VPS13D: variants seen among roughly 807,000 people sequenced by gnomAD.
VPS13D encodes vacuolar protein sorting 13 homolog D.
In VPS13D, 187 loss-of-function variants were observed where a neutral mutation model predicts 461.9. The ratio of observed to expected loss-of-function variants is 0.40; its 90% CI spans 0.36 to 0.46. VPS13D has a LOEUF of 0.46. Ranked by LOEUF, VPS13D falls within the 20% of genes least tolerant of loss-of-function variation. The pLI is 0.60. For synonymous variants in VPS13D, 1,951 were observed against 1,986.3 expected (o/e 0.98, Z 0.47); for missense variants, 4,711 against 5,364.9 (o/e 0.88, Z 3.81).
chr1:12,285,020 G>A (rs1427264815), intron 21 of VPS13D, among the ~76,000 whole-genome samples: 1 of 152,190 alleles, frequency 6.6e-6, no homozygotes, highest in African/African-American at 2.4e-5. Flanking sequence ...CTTTGGTGTT[G>A]AATATGCAGT....
At chr1:12,307,932 C>T (rs1219634295) in intron 26 of VPS13D, among the ~76,000 whole-genome samples, 1 of 151,922 alleles carries the variant, frequency 6.6e-6, no homozygotes, top group African/African-American at 2.4e-5. Flanking sequence ...ATTATGTAGG[C>T]CTAATGGAGG....
intron 50 of VPS13D, among the ~76,000 whole-genome samples, chr1:12,361,405 T>TTA (rs1557732729): frequency 7.0e-6 from 1 of 143,620 alleles, no homozygotes; most frequent in Non-Finnish European, 1.5e-5. Context: ...ATTTATTTAT[T>TTA]TTTTTTTTGA....
intron 35 of VPS13D, among the ~76,000 whole-genome samples, chr1:12,327,357 C>T (rs1297447441): frequency 6.6e-6 from 1 of 152,158 alleles, no homozygotes; most frequent in African/African-American, 2.4e-5. Flanking sequence ...GGGATGGCTT[C>T]CTGGAGGCAT....
intron 55 of VPS13D, among the ~76,000 whole-genome samples, chr1:12,375,531 A>G (rs1415932670): frequency 6.6e-6 from 1 of 152,288 alleles, no homozygotes; most frequent in East Asian, 1.9e-4. Flanking sequence ...AGCACTGAGA[A>G]TATGTTTATT....
intron 65 of VPS13D, among the ~76,000 whole-genome samples, chr1:12,419,817 A>G (rs1051745834): frequency 6.6e-6 from 1 of 152,166 alleles, no homozygotes; most frequent in Non-Finnish European, 1.5e-5. Context: ...TTTGAGAATC[A>G]TTTTACTAGG....
Position 12,505,008 on chromosome 1 carries a change from C to A in VPS13D, c.12795-1845C>A, listed in dbSNP as rs1646086071. 6.6e-6 allele frequency among the ~76,000 whole-genome samples: 1 copy of A among 152,116 alleles called. No homozygotes were observed. The highest frequency in any genetic ancestry group is 2.4e-5 in the African/African-American group (1 of 41,414). ...TGCTGTGCTCACCTAGAGGAAGGAA[C>A]CTCACATCTCAGTTGGATTTTTCAT... is the stretch of plus-strand genomic sequence containing the variant. On this transcript the variant is annotated intron_variant, in intron 68 of 69. Coordinates refer to ENST00000620676, the MANE Select transcript of VPS13D (RefSeq NM_015378.4). This position sits in a 1 kb window ranked among gnomAD's most constrained non-coding sequence, Gnocchi z 4.2.
At chr1:12,231,833 C>A (rs1278564267) in intron 1 of VPS13D, among the ~76,000 whole-genome samples, 1 of 152,080 alleles carries the variant, frequency 6.6e-6, no homozygotes, top group Non-Finnish European at 1.5e-5. Context: ...ACCAAAAATA[C>A]AAAACTTAGC....
chr1:12,495,436 G>A lies in VPS13D; in HGVS notation c.12663-2064G>A, dbSNP rs61275319. Among the ~76,000 whole-genome samples, 160 of 152,308 alleles carry A rather than the reference G, an allele frequency of 1.1e-3. No homozygotes were observed. The highest frequency in any genetic ancestry group is 3.6e-3 in the African/African-American group (149 of 41,578). On this transcript the variant is annotated intron_variant, in intron 67 of 69. Coordinates refer to ENST00000620676, the MANE Select transcript of VPS13D (RefSeq NM_015378.4). The surrounding 1 kb of genome is among the most constrained non-coding windows in gnomAD (Gnocchi z 4.0). The stretch of plus-strand genomic sequence containing the variant: ...GCCTCCCAAAGTGCTGGGATTACAG[G>A]CGTGAGCCACTGCGCCCGGCCGATG...
chr1:12,292,747 T>A (rs1642171022), intron 23 of VPS13D, among the ~76,000 whole-genome samples: 1 of 152,112 alleles, frequency 6.6e-6, no homozygotes, highest in Non-Finnish European at 1.5e-5. Context: ...CCAGTGTGTG[T>A]GTTTTTTTTA....
chr1:12,484,117 C>G (rs1645762906), intron 67 of VPS13D, among the ~76,000 whole-genome samples: 1 of 152,212 alleles, frequency 6.6e-6, no homozygotes, highest in South Asian at 2.1e-4. Context: ...TTTCTTTCCA[C>G]CAGTTCCTGT....
At chr1:12,331,743 G>A (rs942489328) in intron 37 of VPS13D, among the ~76,000 whole-genome samples, 5 of 150,078 alleles carry the variant, frequency 3.3e-5, no homozygotes, top group South Asian at 2.1e-4. Flanking sequence ...AAAGAATAAT[G>A]GCCCAAGTCT....
At chr1:12,340,577 T>C (rs968314855) in intron 40 of VPS13D, among the ~76,000 whole-genome samples, 4 of 152,232 alleles carry the variant, frequency 2.6e-5, no homozygotes, top group African/African-American at 7.2e-5. Flanking sequence ...TGTTGCAGTT[T>C]GTCTTCTCGA....
At chr1:12,492,973 G>GA (rs1414599479) in intron 67 of VPS13D, among the ~76,000 whole-genome samples, 2 of 151,658 alleles carry the variant, frequency 1.3e-5, no homozygotes, top group African/African-American at 4.8e-5. Flanking sequence ...ACAGGAATGA[G>GA]AAACACAAGA....
At chr1:12,373,268 C>T (rs1644150606) in intron 54 of VPS13D, among the ~76,000 whole-genome samples, 2 of 151,738 alleles carry the variant, frequency 1.3e-5, no homozygotes, top group Middle Eastern at 6.8e-3. Flanking sequence ...TTACAGGGGC[C>T]TGCCTCCATG....
In VPS13D at chr1:12,311,476, G is replaced by C; in HGVS notation, c.6673G>C (p.Asp2225His). The change falls in exon 28 of 70, where the codon GAC (aspartate) becomes CAC (histidine). Residue 2225 changes from aspartate (D) to histidine (H), a missense_variant. Asp to His is a moderately conservative substitution (Grantham distance 81, BLOSUM62 -1). Around this residue, in one of 3 missense-constraint regions of VPS13D, gnomAD observed 4,411 missense variants for 4,937.8 expected, o/e 0.89. Coordinates refer to ENST00000620676, the MANE Select transcript of VPS13D (RefSeq NM_015378.4). Reference sequence around the variant, plus strand: ...TAGAGAAATAAGTCATACTGTGCCAGACATATCTATCCATGGCAATCTCTC... The same window carrying C: ...TAGAGAAATAAGTCATACTGTGCCACACATATCTATCCATGGCAATCTCTC... ...LDKEISHTVP[D>H]ISIHGNLSSV... The C allele has an allele frequency of 6.2e-7, 1 of 1,613,652 alleles. No individual in the cohort carries two copies. Among genetic ancestry groups the C allele is most frequent in the Non-Finnish European group, 8.5e-7 (1 of 1,179,904 alleles).
chr1:12,242,072 A>T (rs1008849335), intron 2 of VPS13D, among the ~76,000 whole-genome samples: 21 of 144,274 alleles, frequency 1.5e-4, no homozygotes, highest in Non-Finnish European at 2.1e-4. Flanking sequence ...AAAGGTTGAT[A>T]AAAAAAAAAA....
intron 61 of VPS13D, among the ~76,000 whole-genome samples, chr1:12,400,599 A>G (rs1644562018): frequency 6.6e-6 from 1 of 152,100 alleles, no homozygotes. Context: ...TCACTGTAGG[A>G]AAGTATAGCA....
At chr1:12,419,006 T>C (rs1450171120) in intron 65 of VPS13D, among the ~76,000 whole-genome samples, 1 of 152,184 alleles carries the variant, frequency 6.6e-6, no homozygotes, top group East Asian at 1.9e-4. Context: ...TCTCCTTGGT[T>C]TGTGGAAGTC....
chr1:12,342,218 G>T (rs28496967), intron 41 of VPS13D, among the ~76,000 whole-genome samples: 20,546 of 152,064 alleles, frequency 0.14, 2,822 homozygotes, highest in African/African-American at 0.35. Flanking sequence ...AGAGCTATGT[G>T]TGGTTATCAC....
Sources: allele counts gnomAD v4.1 joint callset (sites outside exome capture counted in the v4.1 genomes callset), GRCh38; gene constraint gnomAD v4.1.1; regional missense constraint gnomAD v4.1.1; non-coding constraint Gnocchi (gnomAD v3.1); transcripts MANE v1.5; gene names NCBI Gene and HGNC (gene_info 2026-07-23, HGNC 2026-07-21).